DENND2D: variants seen among roughly 807,000 people sequenced by gnomAD.
DENND2D encodes the protein DENN domain-containing protein 2D.
In DENND2D, 37 loss-of-function variants were observed where a neutral mutation model predicts 59.8. The ratio of observed to expected loss-of-function variants is 0.62; its 90% CI spans 0.48 to 0.81. The LOEUF is 0.81. Ranked by LOEUF, DENND2D falls within the 40% of genes least tolerant of loss-of-function variation. DENND2D has a pLI of 0.00. For synonymous variants in DENND2D, 219 were observed against 211.3 expected, an observed-to-expected ratio of 1.04 and a Z score of -0.31; for missense variants, 525 against 579.7, an observed-to-expected ratio of 0.91 and a Z score of 0.97.
chr1:111,197,640 A>G, intron 4 of DENND2D: 1 of 1,363,594 alleles, frequency 7.3e-7, no homozygotes, highest in Non-Finnish European at 9.5e-7. Context: ...GGCCAAGGTA[A>G]GCAGGCCTGG....
intron 4 of DENND2D, chr1:111,197,511 A>G (rs78110507): frequency 1.4e-6 from 2 of 1,398,814 alleles, no homozygotes; most frequent in Middle Eastern, 2.7e-4. Context: ...AGTGTGCCTT[A>G]GAGATGAAGA....
chr1:111,200,328 G>C, intron 1 of DENND2D, 65 bp downstream of exon 1: 2 of 1,566,290 alleles, frequency 1.3e-6, no homozygotes, highest in Non-Finnish European at 1.7e-6. Context: ...AGCATTTCAA[G>C]GAAGAAACAG....
At chr1:111,204,179 A>G (rs1257598688), upstream of DENND2D, 6 of 1,167,834 alleles carry the variant, frequency 5.1e-6, no homozygotes, top group South Asian at 2.0e-5. Context: ...TCCCCTTCCA[A>G]CTGCTCCCGG....
At chr1:111,204,103 CACCTGA>C, upstream of DENND2D, 1 of 448,354 alleles carries the variant, frequency 2.2e-6, no homozygotes, top group Non-Finnish European at 3.7e-6. Flanking sequence ...TCCCCGCCCC[CACCTGA>C]CCCTCTTCCC....
At chr1:111,190,129 A>C (rs1476217811) in intron 8 of DENND2D, among the ~76,000 whole-genome samples, 2 of 142,388 alleles carry the variant, frequency 1.4e-5, no homozygotes, top group Admixed American at 7.3e-5. Context: ...GCGCCACTGC[A>C]CTCCAGCCTG....
chr1:111,203,336 G>C (rs1397913061), upstream of DENND2D, among the ~76,000 whole-genome samples: 1 of 152,230 alleles, frequency 6.6e-6, no homozygotes, highest in African/African-American at 2.4e-5. Context: ...CTAAGAGAGG[G>C]GCTCACTTGG....
Position 111,200,418 on chromosome 1 carries a change from T to C in DENND2D, c.42A>G (p.Gln14=), listed in dbSNP as rs1300637081. ...CTGCTCGGAGTTGAAGCAGTCGGCG[T>C]TGGAAGAGCCTGAACACCCGGCCTA... ...QVVGRVFRLF[Q]RRLLQLRAGP... Residue 14 remains glutamine (Q), a synonymous_variant, in exon 1 of 12, where the codon CAA becomes CAG. Coordinates refer to ENST00000357640, the MANE Select transcript of DENND2D (RefSeq NM_024901.5). 1 of 1,612,472 alleles carries C rather than the reference T, an allele frequency of 6.2e-7. No homozygotes were observed. Among genetic ancestry groups the C allele is most frequent in the Non-Finnish European group, 8.5e-7 (1 of 1,179,222 alleles).
At chr1:111,202,396 T>A (rs1203944304), upstream of DENND2D, 1 of 152,118 alleles carries the variant, frequency 6.6e-6, no homozygotes, top group East Asian at 1.9e-4. Context: ...AAAACTAACC[T>A]CCATCAAACT....
chr1:111,188,830 G>T (rs775703169), intron 9 of DENND2D, 44 bp from the exon 10 acceptor site: 2 of 1,550,038 alleles, frequency 1.3e-6, no homozygotes, highest in Non-Finnish European at 1.8e-6. Context: ...AAGGAAGTGT[G>T]GAGTGAAGGT....
chr1:111,199,044 C>T (rs1658539412), intron 2 of DENND2D, among the ~76,000 whole-genome samples: 1 of 152,222 alleles, frequency 6.6e-6, no homozygotes, highest in African/African-American at 2.4e-5. Flanking sequence ...TATAGAAAGG[C>T]CCTGAAATGG....
At chr1:111,202,027 A>C (rs192356555), upstream of DENND2D, among the ~76,000 whole-genome samples, 8 of 152,328 alleles carry the variant, frequency 5.3e-5, no homozygotes, top group Admixed American at 3.3e-4. Context: ...AGGCTATTAA[A>C]ATTGACAGGA....
chr1:111,204,318 C>G (rs1453641418), upstream of DENND2D: 1 of 1,482,702 alleles, frequency 6.7e-7, no homozygotes, highest in Admixed American at 2.3e-5. Context: ...GCTTCAGTCT[C>G]AGGCTGGCTC....
At chr1:111,189,342 A>G (rs903541009) in intron 8 of DENND2D, 89 bp from the exon 9 acceptor site, 21 of 1,424,368 alleles carry the variant, frequency 1.5e-5, no homozygotes, top group Non-Finnish European at 2.1e-5. Context: ...CTGTGGCTGT[A>G]TCTTTCAGCC....
Position 111,187,467 on chromosome 1 carries a change from A to T in DENND2D, c.*138T>A. The stretch of plus-strand genomic sequence containing the variant: ...GATCCAAATCTCAGACACCAGTTTG[A>T]AGCAATACCTGGATACCAAGACTCA... On this transcript the variant is annotated 3_prime_UTR_variant, in exon 12 of 12. Transcript: ENST00000357640. 1 of 682,402 alleles carries T rather than the reference A, an allele frequency of 1.5e-6. No individual in the cohort carries two copies. Among genetic ancestry groups the T allele is most frequent in the African/African-American group, 1.8e-5 (1 of 55,602 alleles). The allele number at this position is 682,402 out of a possible 1,614,324, so 42.3% of individuals were successfully genotyped here. A position where few individuals can be genotyped will look rare whatever the true frequency, so the allele number is the denominator to read the frequency against.
At position 111,187,278 on chromosome 1, in the gene DENND2D, TATA is replaced by T. The variant is rs113148667; in HGVS notation, c.*324_*326del. On this transcript the variant is annotated 3_prime_UTR_variant, in exon 12 of 12. Transcript: ENST00000357640. Reference sequence around the variant, plus strand: ...AAAGTGTGTTCTGTGTTGAAGATGTTATAATGATGGGAGAGGGCAGTTGCAGCA... The same window carrying T: ...AAAGTGTGTTCTGTGTTGAAGATGTTATGATGGGAGAGGGCAGTTGCAGCA... The T allele has an allele frequency of 4.4e-3, 1,310 of 297,468 alleles. 14 individuals are homozygous for T. The highest frequency in any genetic ancestry group is 0.02 in the Middle Eastern group (19 of 960). The allele number at this position is 297,468 out of a possible 1,614,324, so 18.4% of individuals were successfully genotyped here.
chr1:111,190,547 A>G (rs1163120973), intron 8 of DENND2D, among the ~76,000 whole-genome samples: 1 of 152,066 alleles, frequency 6.6e-6, no homozygotes, highest in East Asian at 1.9e-4. Context: ...CAGGAGATCT[A>G]ACACTGGGTC....
intron 3 of DENND2D, 44 bp from the exon 4 acceptor site, chr1:111,198,033 T>C (rs781589748): frequency 4.4e-6 from 7 of 1,597,210 alleles, no homozygotes; most frequent in Non-Finnish European, 2.6e-6. Context: ...GCTCACTGAA[T>C]CCTAAAACAG....
At chr1:111,204,422 C>A, upstream of DENND2D, 1 of 1,320,248 alleles carries the variant, frequency 7.6e-7, no homozygotes, top group Non-Finnish European at 9.7e-7. Context: ...TTGACCTCCG[C>A]GGGTCCGACA....
intron 5 of DENND2D, 69 bp from the exon 6 acceptor site, chr1:111,196,125 C>T: frequency 1.3e-6 from 2 of 1,525,432 alleles, no homozygotes; most frequent in Non-Finnish European, 8.8e-7. Context: ...AGAGACTCTA[C>T]TTGCCCCTGA....
Sources: allele counts gnomAD v4.1 joint callset (sites outside exome capture counted in the v4.1 genomes callset), GRCh38; gene constraint gnomAD v4.1.1; transcripts MANE v1.5; gene names NCBI Gene and HGNC (gene_info 2026-07-23, HGNC 2026-07-21).